The following STX5 variants were observed in gnomAD, a reference collection of about 807,000 sequenced individuals.
The protein encoded by STX5 is syntaxin-5.
In STX5, 15 loss-of-function variants were observed where a neutral mutation model predicts 42.9. That is an observed-to-expected ratio of 0.35 (90% CI 0.23 to 0.54). STX5 has a LOEUF of 0.54. STX5 is among the 20% of genes least tolerant of loss of function. The pLI, the probability that STX5 is intolerant of heterozygous loss-of-function variation, is 0.91. For synonymous variants in STX5, 184 were observed against 173.2 expected, an observed-to-expected ratio of 1.06 and a Z score of -0.49; for missense variants, 430 against 455.0, an observed-to-expected ratio of 0.95 and a Z score of 0.50.
chr11:62,813,713 G>A (rs946776545), intron 10 of STX5, among the ~76,000 whole-genome samples: 3 of 152,146 alleles, frequency 2.0e-5, no homozygotes, highest in Admixed American at 1.3e-4. Flanking sequence ...GGGCAGGAGT[G>A]GATTCCTAAA....
intron 10 of STX5, among the ~76,000 whole-genome samples, chr11:62,821,897 G>A (rs534174542): frequency 3.3e-5 from 5 of 151,960 alleles, no homozygotes; most frequent in Admixed American, 6.6e-5. Flanking sequence ...GTGGTCTCAC[G>A]CACTTGCAGT....
Position 62,827,410 on chromosome 11 carries a change from C to CACT in STX5, c.297-15_297-13dup. The stretch of plus-strand genomic sequence containing the variant: ...CTTTCCCAATGCGCCTGCAAATGAC[C>CACT]ACTAGTCAGACTGTGGGAAAGGGCA... On this transcript the variant is annotated splice_polypyrimidine_tract_variant and intron_variant, in intron 3 of 10. Coordinates refer to ENST00000294179, the MANE Select transcript of STX5 (RefSeq NM_003164.5). 1 of 1,614,184 alleles carries CACT rather than the reference C, an allele frequency of 6.2e-7. No homozygotes were observed. The highest frequency in any genetic ancestry group is 8.5e-7 in the Non-Finnish European group (1 of 1,180,036).
At chr11:62,810,196 C>G (rs1486927542) in intron 10 of STX5, among the ~76,000 whole-genome samples, 1 of 151,788 alleles carries the variant, frequency 6.6e-6, no homozygotes, top group East Asian at 1.9e-4. Context: ...AATCCCAGCA[C>G]TTTGGGAAGC....
intron 10 of STX5, among the ~76,000 whole-genome samples, chr11:62,812,438 G>A (rs1297509916): frequency 6.6e-6 from 1 of 151,402 alleles, no homozygotes; most frequent in Admixed American, 6.6e-5. Context: ...TGGAAACGGT[G>A]TCTCACTCTG....
chr11:62,827,773 T>C (rs2084812518), intron 2 of STX5, 142 bp from the exon 3 acceptor site: 1 of 830,802 alleles, frequency 1.2e-6, no homozygotes, highest in Non-Finnish European at 1.9e-6. Context: ...GGTAGTCGTT[T>C]AGAGTCCAGA....
chr11:62,825,372 A>C (rs967802147), intron 6 of STX5, 33 bp from the exon 7 acceptor site: 1 of 1,614,192 alleles, frequency 6.2e-7, no homozygotes, highest in Non-Finnish European at 8.5e-7. Flanking sequence ...CAACCAAAGA[A>C]GGCTCCACAT....
At chr11:62,810,795 C>T (rs1165283737) in intron 10 of STX5, among the ~76,000 whole-genome samples, 1 of 152,216 alleles carries the variant, frequency 6.6e-6, no homozygotes, top group African/African-American at 2.4e-5. Context: ...TGAATGTCTA[C>T]ACCTATTTTA....
At chr11:62,818,347 A>C (rs1231637277) in intron 10 of STX5, among the ~76,000 whole-genome samples, 1 of 151,716 alleles carries the variant, frequency 6.6e-6, no homozygotes, top group Non-Finnish European at 1.5e-5. Flanking sequence ...ACTTGAGGTC[A>C]GGAGTTCAAA....
At chr11:62,829,152 C>A (rs1394994781) in intron 2 of STX5, among the ~76,000 whole-genome samples, 1 of 152,100 alleles carries the variant, frequency 6.6e-6, no homozygotes, top group South Asian at 2.1e-4. Context: ...CGGCTGGGTA[C>A]GGTGGCTCAC....
At chr11:62,822,004 G>A (rs751469236) in intron 10 of STX5, among the ~76,000 whole-genome samples, 2 of 150,014 alleles carry the variant, frequency 1.3e-5, no homozygotes, top group African/African-American at 2.5e-5. Context: ...CCAGCCTAGC[G>A]ACAGAGTGAG....
intron 10 of STX5, among the ~76,000 whole-genome samples, chr11:62,814,413 T>C (rs1043956815): frequency 2.5e-4 from 38 of 152,028 alleles, no homozygotes; most frequent in African/African-American, 8.9e-4. Context: ...CACCCACTTC[T>C]GCCTCCCAAA....
At chr11:62,809,478 T>C (rs111659144) in intron 10 of STX5, among the ~76,000 whole-genome samples, 2 of 149,436 alleles carry the variant, frequency 1.3e-5, no homozygotes, top group Non-Finnish European at 1.5e-5. Context: ...ATGGAGACCA[T>C]CCTGGCTAAC....
intron 10 of STX5, among the ~76,000 whole-genome samples, chr11:62,814,618 C>T (rs944376445): frequency 1.4e-4 from 21 of 151,574 alleles, no homozygotes; most frequent in Non-Finnish European, 2.9e-4. Flanking sequence ...GGTGCCACCA[C>T]GCTCAGCTAA....
At chr11:62,826,493 G>GT (rs1317167723) in intron 5 of STX5, among the ~76,000 whole-genome samples, 2 of 152,026 alleles carry the variant, frequency 1.3e-5, no homozygotes, top group African/African-American at 4.8e-5. Context: ...GGAGACAGAG[G>GT]TTGCAGTGAG....
chr11:62,811,131 CCCT>C (rs1435954215), intron 10 of STX5, among the ~76,000 whole-genome samples: 1 of 152,094 alleles, frequency 6.6e-6, no homozygotes, highest in Non-Finnish European at 1.5e-5. Flanking sequence ...TCTACATACC[CCCT>C]GACTCCATGG....
chr11:62,814,412 C>A (rs1335690625), intron 10 of STX5, among the ~76,000 whole-genome samples: 1 of 152,000 alleles, frequency 6.6e-6, no homozygotes, highest in Non-Finnish European at 1.5e-5. Flanking sequence ...CCACCCACTT[C>A]TGCCTCCCAA....
chr11:62,824,564 G>A lies in STX5; in HGVS notation c.681C>T (p.Gly227=), dbSNP rs770183009. The A allele has an allele frequency of 1.3e-5, 21 of 1,613,892 alleles. No individual in the cohort carries two copies. Among genetic ancestry groups the A allele is most frequent in the Non-Finnish European group, 1.3e-5 (15 of 1,179,868 alleles). The part of the protein sequence containing the change: ...SALPLAPNHL[G]GGAVVLGAES... ...CTGCCCCCAGAACCACAGCACCACCGCCTGGGGGAGAAAACAGGATGTGGC... is the reference window on the plus strand; with the variant it reads ...CTGCCCCCAGAACCACAGCACCACCACCTGGGGGAGAAAACAGGATGTGGC... The change falls in exon 9 of 11, where the codon GGC becomes GGT. Residue 227 remains glycine (G), a splice_region_variant and synonymous_variant. Transcript: ENST00000294179.
At chr11:62,828,762 C>T (rs138602556) in intron 2 of STX5, among the ~76,000 whole-genome samples, 3,406 of 148,580 alleles carry the variant, frequency 0.023, 126 homozygotes, top group African/African-American at 0.08. Context: ...AACAAACAAA[C>T]AAATAAATAA....
chr11:62,813,433 C>T (rs921005800), intron 10 of STX5, among the ~76,000 whole-genome samples: 1 of 152,132 alleles, frequency 6.6e-6, no homozygotes, highest in Non-Finnish European at 1.5e-5. Flanking sequence ...TCATCAGAAC[C>T]CCCTATGGAA....
Sources: allele counts gnomAD v4.1 joint callset (sites outside exome capture counted in the v4.1 genomes callset), GRCh38; gene constraint gnomAD v4.1.1; transcripts MANE v1.5; gene names NCBI Gene and HGNC (gene_info 2026-07-23, HGNC 2026-07-21).